PPP2R2B: variants seen among roughly 807,000 people sequenced by gnomAD.
PPP2R2B encodes protein phosphatase 2 regulatory subunit Bbeta.
In PPP2R2B, 5 loss-of-function variants were observed where a neutral mutation model predicts 46.0. The observed-to-expected ratio is 0.11, with a 90% confidence interval of 0.06 to 0.23. The LOEUF is 0.23. Among genes scored for constraint, PPP2R2B ranks in the 10% least tolerant of loss-of-function variants. PPP2R2B has a pLI of 1.00. For synonymous variants in PPP2R2B, 215 were observed against 206.7 expected (o/e 1.04, Z -0.34); for missense variants, 367 against 575.0 (o/e 0.64, Z 3.70).
intron 6 of PPP2R2B, among the ~76,000 whole-genome samples, chr5:146,640,514 A>T (rs1269251354): frequency 1.3e-5 from 2 of 152,224 alleles, no homozygotes; most frequent in Non-Finnish European, 2.9e-5. Context: ...GCGTTGGGTA[A>T]ACGGAGGTTA....
intron 1 of PPP2R2B, among the ~76,000 whole-genome samples, chr5:146,981,732 A>G (rs1753188626): frequency 6.6e-6 from 1 of 152,232 alleles, no homozygotes; most frequent in East Asian, 1.9e-4. Flanking sequence ...TTTTACATCT[A>G]CTTTCCTCTC....
At chr5:146,980,857 T>A (rs1245557232) in intron 1 of PPP2R2B, among the ~76,000 whole-genome samples, 4 of 152,204 alleles carry the variant, frequency 2.6e-5, no homozygotes, top group Non-Finnish European at 5.9e-5. Flanking sequence ...AATTGCATTA[T>A]TTAAAAACTC....
intron 5 of PPP2R2B, among the ~76,000 whole-genome samples, chr5:146,653,549 A>G (rs1407063386): frequency 6.6e-6 from 1 of 152,172 alleles, no homozygotes; most frequent in African/African-American, 2.4e-5. Context: ...AAGGGTCACA[A>G]AAGAAATGGA....
intron 2 of PPP2R2B, among the ~76,000 whole-genome samples, chr5:146,875,147 A>T (rs999950588): frequency 6.6e-6 from 1 of 152,204 alleles, no homozygotes; most frequent in Non-Finnish European, 1.5e-5. Flanking sequence ...TTCAGACCTC[A>T]GTTGCATCAG....
chr5:146,924,895 T>C (rs1303595285), intron 1 of PPP2R2B, among the ~76,000 whole-genome samples: 1 of 152,166 alleles, frequency 6.6e-6, no homozygotes, highest in East Asian at 1.9e-4. Flanking sequence ...CTGCATAGTA[T>C]TCCACGGTGT....
At chr5:146,968,539 T>C (rs938043660) in intron 1 of PPP2R2B, among the ~76,000 whole-genome samples, 10 of 152,338 alleles carry the variant, frequency 6.6e-5, no homozygotes, top group African/African-American at 2.2e-4. Flanking sequence ...AAGATCTATG[T>C]CAGTGTCGTC....
intron 1 of PPP2R2B, among the ~76,000 whole-genome samples, chr5:146,964,863 C>A (rs948490446): frequency 2.6e-5 from 4 of 152,058 alleles, no homozygotes; most frequent in Non-Finnish European, 5.9e-5. Context: ...ACAAAGGGTC[C>A]TCTTTTGGGA....
chr5:146,603,577 C>A (rs1771982582), intron 7 of PPP2R2B, among the ~76,000 whole-genome samples: 1 of 152,202 alleles, frequency 6.6e-6, no homozygotes, highest in Non-Finnish European at 1.5e-5. Flanking sequence ...GTACAGATAA[C>A]ATACCAGCAC....
intron 7 of PPP2R2B, among the ~76,000 whole-genome samples, chr5:146,609,556 G>T (rs1423370448): frequency 6.6e-6 from 1 of 151,894 alleles, no homozygotes; most frequent in Non-Finnish European, 1.5e-5. Context: ...GAAGACGGGT[G>T]ATTTCTGCAT....
upstream of PPP2R2B, among the ~76,000 whole-genome samples, chr5:146,881,471 GAC>G (rs796457582): frequency 8.5e-5 from 13 of 152,078 alleles, no homozygotes; most frequent in African/African-American, 3.1e-4. Flanking sequence ...GGATTGCAGT[GAC>G]ACGATCAAGG....
In PPP2R2B at chr5:146,683,701, C is replaced by T. The variant is rs112972925; in HGVS notation, c.447+7427G>A. Among the ~76,000 whole-genome samples the T allele has an allele frequency of 6.6e-3, 999 of 152,194 alleles. 16 individuals are homozygous for T. The highest frequency in any genetic ancestry group is 0.022 in the African/African-American group (904 of 41,528). The stretch of plus-strand genomic sequence containing the variant: ...ACAGAAACATCCCAAACTCTCATCC[C>T]CCAAAGGCGAAACATGTCAAAACAC... On this transcript the variant is annotated intron_variant, in intron 5 of 9. Transcript: ENST00000394411.
chr5:146,806,151 T>C lies in PPP2R2B; in HGVS notation c.70+71851A>G, dbSNP rs151013796. On this transcript the variant is annotated intron_variant, in intron 2 of 9. Transcript: ENST00000394411. ...GAAGAAGCTAGGGAGACAGTGTGTG[T>C]GATGCGCACATACACACATGTGCAC... Among the ~76,000 whole-genome samples the C allele has an allele frequency of 2.5e-3, 388 of 152,226 alleles. 1 individual carries two copies. Among genetic ancestry groups the C allele is most frequent in the African/African-American group, 8.9e-3 (368 of 41,544 alleles).
chr5:146,772,130 C>T (rs1271940034), intron 2 of PPP2R2B, among the ~76,000 whole-genome samples: 1 of 151,896 alleles, frequency 6.6e-6, no homozygotes, highest in Non-Finnish European at 1.5e-5. Flanking sequence ...CATAATGCAA[C>T]CTTTAAAAAG....
chr5:146,748,467 T>A (rs1390460052), intron 2 of PPP2R2B, among the ~76,000 whole-genome samples: 6 of 152,178 alleles, frequency 3.9e-5, no homozygotes, highest in Non-Finnish European at 8.8e-5. Context: ...CCTGTTGCCC[T>A]TTCATAGCCA....
At chr5:146,681,880 G>T (rs1581862899) in intron 5 of PPP2R2B, among the ~76,000 whole-genome samples, 1 of 152,140 alleles carries the variant, frequency 6.6e-6, no homozygotes, top group South Asian at 2.1e-4. Flanking sequence ...AAGATAAATG[G>T]CACCAGAGGC....
At chr5:146,931,227 G>A (rs905435257) in intron 1 of PPP2R2B, among the ~76,000 whole-genome samples, 5 of 152,154 alleles carry the variant, frequency 3.3e-5, no homozygotes, top group Admixed American at 3.3e-4. Context: ...TGATGAAAAT[G>A]TTTTAGGTTT....
intron 2 of PPP2R2B, among the ~76,000 whole-genome samples, chr5:146,814,470 T>C (rs1472331941): frequency 6.6e-6 from 1 of 152,146 alleles, no homozygotes; most frequent in Non-Finnish European, 1.5e-5. Flanking sequence ...AAAATAATAA[T>C]TGGTCATGGC....
chr5:146,741,957 G>A (rs1484064624), intron 2 of PPP2R2B, among the ~76,000 whole-genome samples: 1 of 152,112 alleles, frequency 6.6e-6, no homozygotes, highest in African/African-American at 2.4e-5. Flanking sequence ...TGTTTGTGTA[G>A]GAAGACTCGT....
At position 146,628,205 on chromosome 5, in the gene PPP2R2B, A is replaced by G. The variant is rs953941836; in HGVS notation, c.790+10046T>C. Among the ~76,000 whole-genome samples, 8 of 152,108 alleles carry G rather than the reference A, an allele frequency of 5.3e-5. No individual in the cohort carries two copies. In the East Asian group the frequency reaches 1.5e-3, roughly 29 times the overall value. On this transcript the variant is annotated intron_variant, in intron 7 of 9. Coordinates refer to ENST00000394411, the MANE Select transcript of PPP2R2B (RefSeq NM_181675.4). Reference sequence around the variant, plus strand: ...AGTGATCTGCCCGCCTCAGCCTCCTAAAGTTCTGGGATTATAGGTGTAAGC... The same window carrying G: ...AGTGATCTGCCCGCCTCAGCCTCCTGAAGTTCTGGGATTATAGGTGTAAGC...
Sources: gnomAD v4.1 joint callset for allele counts (sites outside exome capture counted in the v4.1 genomes callset) on GRCh38, gnomAD v4.1.1 for gene constraint, MANE v1.5 for transcripts, NCBI Gene and HGNC (gene_info 2026-07-23, HGNC 2026-07-21) for gene names.